The following NSD1 variants were observed in gnomAD, a reference collection of about 807,000 sequenced individuals.
NSD1 encodes nuclear receptor binding SET domain protein 1.
A neutral mutation model predicts 242.7 loss-of-function variants in NSD1; 26 were observed. That is an observed-to-expected ratio of 0.11 (90% CI 0.08 to 0.15). The LOEUF (loss-of-function observed/expected upper bound fraction) is 0.15, where lower values mean the gene tolerates loss of function less well. Among genes scored for constraint, NSD1 ranks in the 10% least tolerant of loss-of-function variants. The probability of loss-of-function intolerance (pLI) is 1.00; values close to 1 mark genes in which losing one functional copy is unlikely to be tolerated. For synonymous variants in NSD1, 1,106 were observed against 1,178.1 expected, an observed-to-expected ratio of 0.94 and a Z score of 1.25; for missense variants, 2,495 against 3,272.8, an observed-to-expected ratio of 0.76 and a Z score of 5.80.
At chr5:177,132,556 T>A (rs1270170828), upstream of NSD1, among the ~76,000 whole-genome samples, 1 of 151,700 alleles carries the variant, frequency 6.6e-6, no homozygotes, top group Non-Finnish European at 1.5e-5. The surrounding 1 kb of genome is among the most constrained non-coding windows in gnomAD (Gnocchi z 7.5). Flanking sequence ...TGAGGGAGCT[T>A]CGTCCCGGCT....
Position 177,269,571 on chromosome 5 carries a change from A to T in NSD1, c.5304-31A>T. On this transcript the variant is annotated intron_variant, in intron 15 of 22. Transcript: ENST00000439151. This position sits in a 1 kb window ranked among gnomAD's most constrained non-coding sequence, Gnocchi z 5.1. ...TTCCTAATGCCTTGCAGCCTTCTAG[A>T]GGTTTTCCTTCTCCTTTTCACCTTT... 1 of 1,602,646 alleles carries T rather than the reference A, an allele frequency of 6.2e-7. No homozygotes were observed. Among genetic ancestry groups the T allele is most frequent in the Non-Finnish European group, 8.5e-7 (1 of 1,169,788 alleles).
intron 3 of NSD1, 54 bp from the exon 4 acceptor site, chr5:177,204,066 G>T: frequency 6.6e-7 from 1 of 1,524,658 alleles, no homozygotes; most frequent in South Asian, 1.1e-5. Flanking sequence ...TTCTCTTAAT[G>T]ATGAGAAGTA....
At chr5:177,149,376 G>T (rs771679808) in intron 2 of NSD1, among the ~76,000 whole-genome samples, 18 of 151,478 alleles carry the variant, frequency 1.2e-4, no homozygotes, top group Non-Finnish European at 2.4e-4. Flanking sequence ...GCATCACCAC[G>T]CCTGGCTAAT....
chr5:177,152,952 C>T (rs537957721), intron 2 of NSD1, among the ~76,000 whole-genome samples: 2 of 152,172 alleles, frequency 1.3e-5, no homozygotes, highest in South Asian at 4.1e-4. Context: ...TCCCAAAGTG[C>T]TGGGATAACA....
At chr5:177,212,235 G>A (rs2149849976) in intron 5 of NSD1, 40 bp downstream of exon 5, 1 of 1,582,272 alleles carries the variant, frequency 6.3e-7, no homozygotes, top group Non-Finnish European at 8.6e-7. Context: ...AAAAATTGGA[G>A]AAAGTGCTGA....
intron 5 of NSD1, among the ~76,000 whole-genome samples, chr5:177,229,231 G>A (rs1023351796): frequency 2.0e-5 from 3 of 151,956 alleles, no homozygotes; most frequent in Non-Finnish European, 4.4e-5. Context: ...ATTTTAGTTG[G>A]TAGTGTATAC....
intron 2 of NSD1, among the ~76,000 whole-genome samples, chr5:177,173,165 G>T (rs1170470004): frequency 1.3e-5 from 2 of 150,994 alleles, no homozygotes; most frequent in African/African-American, 4.9e-5. Flanking sequence ...GGTGGCAGGT[G>T]CCTGTAGTCC....
At chr5:177,236,900 G>C (rs531982609) in intron 6 of NSD1, among the ~76,000 whole-genome samples, 1 of 152,140 alleles carries the variant, frequency 6.6e-6, no homozygotes, top group Non-Finnish European at 1.5e-5. Context: ...AGAGATGCAC[G>C]AACACGGTTC....
In NSD1 at chr5:177,298,838, T is replaced by C. The variant is rs904804185; in HGVS notation, c.*3379T>C. ...TAATGAGGACAGCATGAAACTTGGATAGGTTTTACCCTTAGTCCCTATAAG... is the reference window on the plus strand; with the variant it reads ...TAATGAGGACAGCATGAAACTTGGACAGGTTTTACCCTTAGTCCCTATAAG... On this transcript the variant is annotated 3_prime_UTR_variant, in exon 23 of 23. Transcript: ENST00000439151. 2 of 232,992 alleles carry C rather than the reference T, an allele frequency of 8.6e-6. No homozygotes were observed. The highest frequency in any genetic ancestry group is 1.7e-5 in the Non-Finnish European group (2 of 117,948). The allele number at this position is 232,992 out of a possible 1,614,324, so 14.4% of individuals were successfully genotyped here.
chr5:177,214,377 AGT>A (rs1180099504), intron 5 of NSD1, among the ~76,000 whole-genome samples: 2 of 152,140 alleles, frequency 1.3e-5, no homozygotes, highest in African/African-American at 4.8e-5. Context: ...ACAGTATTTA[AGT>A]GTGTATTATA....
chr5:177,233,876 G>A (rs1444383860), intron 5 of NSD1, among the ~76,000 whole-genome samples: 2 of 152,102 alleles, frequency 1.3e-5, no homozygotes, highest in African/African-American at 2.4e-5. Flanking sequence ...ATATGACCAG[G>A]GAATCCCTAG....
intron 2 of NSD1, among the ~76,000 whole-genome samples, chr5:177,176,384 T>G (rs1396715817): frequency 6.6e-6 from 1 of 151,916 alleles, no homozygotes; most frequent in Non-Finnish European, 1.5e-5. Flanking sequence ...CCCATAGTGC[T>G]GTGTTGGGAT....
At chr5:177,213,724 A>G (rs1346014163) in intron 5 of NSD1, among the ~76,000 whole-genome samples, 3 of 151,390 alleles carry the variant, frequency 2.0e-5, no homozygotes, top group Non-Finnish European at 4.4e-5. Flanking sequence ...GCCCGCCTCC[A>G]CCTCCCAAAG....
At chr5:177,147,218 A>G (rs55741473) in intron 2 of NSD1, among the ~76,000 whole-genome samples, 20,845 of 151,726 alleles carry the variant, frequency 0.14, 1,949 homozygotes, top group East Asian at 0.51. Flanking sequence ...CGATCCTCCC[A>G]CCTCAGCCTC....
chr5:177,264,334 A>C (rs1000903022), intron 14 of NSD1, among the ~76,000 whole-genome samples: 1 of 152,202 alleles, frequency 6.6e-6, no homozygotes, highest in Non-Finnish European at 1.5e-5. Context: ...AGTCATTTTA[A>C]GTTTAGTGAC....
At chr5:177,151,249 G>T (rs995246884) in intron 2 of NSD1, among the ~76,000 whole-genome samples, 1 of 152,138 alleles carries the variant, frequency 6.6e-6, no homozygotes. Flanking sequence ...GATGGCGGGT[G>T]CCTGTAGTCC....
chr5:177,141,177 G>A (rs966916238), intron 2 of NSD1, among the ~76,000 whole-genome samples: 9 of 150,046 alleles, frequency 6.0e-5, no homozygotes, highest in Non-Finnish European at 1.2e-4. Context: ...GCCCGCCACC[G>A]CAACCAGCTA....
At chr5:177,259,764 G>A (rs1002887161) in intron 13 of NSD1, among the ~76,000 whole-genome samples, 1 of 152,128 alleles carries the variant, frequency 6.6e-6, no homozygotes, top group Non-Finnish European at 1.5e-5. Context: ...TGTTGAAGCA[G>A]GCTCACTGAC....
At chr5:177,163,959 T>C (rs1212563165) in intron 2 of NSD1, among the ~76,000 whole-genome samples, 1 of 152,138 alleles carries the variant, frequency 6.6e-6, no homozygotes, top group African/African-American at 2.4e-5. Context: ...TCTTGTCTTT[T>C]TGTAAATAGA....
Sources: allele counts gnomAD v4.1 joint callset (sites outside exome capture counted in the v4.1 genomes callset), GRCh38; gene constraint gnomAD v4.1.1; non-coding constraint Gnocchi (gnomAD v3.1); transcripts MANE v1.5; gene names NCBI Gene and HGNC (gene_info 2026-07-23, HGNC 2026-07-21).